The following PPM1H variants were observed in gnomAD, a reference collection of about 807,000 sequenced individuals.
The protein encoded by PPM1H is protein phosphatase, Mg2+/Mn2+ dependent 1H.
In PPM1H, 27 loss-of-function variants were observed where a neutral mutation model predicts 54.9. The ratio of observed to expected loss-of-function variants is 0.49; its 90% CI spans 0.36 to 0.68. The LOEUF (loss-of-function observed/expected upper bound fraction) is 0.68. PPM1H is among the 30% of genes least tolerant of loss of function. PPM1H has a pLI of 0.00. For missense variants in PPM1H, 596 were observed against 667.8 expected (o/e 0.89, Z 1.19); for synonymous variants, 305 against 270.8 (o/e 1.13, Z -1.24).
At chr12:62,885,371 G>A (rs1870551938) in intron 1 of PPM1H, among the ~76,000 whole-genome samples, 1 of 152,148 alleles carries the variant, frequency 6.6e-6, no homozygotes. Flanking sequence ...CTGTTGCTAG[G>A]ACAGCAAAAG....
chr12:62,827,451 G>T (rs969206749), intron 2 of PPM1H, among the ~76,000 whole-genome samples: 1 of 152,098 alleles, frequency 6.6e-6, no homozygotes, highest in Non-Finnish European at 1.5e-5. Context: ...CAGCCTCTAG[G>T]TTTGGACTCC....
intron 2 of PPM1H, among the ~76,000 whole-genome samples, chr12:62,806,583 GT>G (rs974293662): frequency 6.6e-6 from 1 of 152,116 alleles, no homozygotes; most frequent in African/African-American, 2.4e-5. Context: ...ATTTCCCCTT[GT>G]TCTTGTGACA....
chr12:62,684,215 C>T (rs1229732106), intron 8 of PPM1H, among the ~76,000 whole-genome samples: 2 of 152,220 alleles, frequency 1.3e-5, no homozygotes, highest in African/African-American at 4.8e-5. Flanking sequence ...CAAAACATCC[C>T]CTACACTCAA....
At chr12:62,890,409 G>C (rs1435057884) in intron 1 of PPM1H, among the ~76,000 whole-genome samples, 3 of 152,152 alleles carry the variant, frequency 2.0e-5, no homozygotes, top group Non-Finnish European at 4.4e-5. Flanking sequence ...AGTGAACAAT[G>C]ATCGTGCCAA....
chr12:62,695,068 C>G (rs968703112), intron 6 of PPM1H, among the ~76,000 whole-genome samples: 4 of 152,142 alleles, frequency 2.6e-5, no homozygotes, highest in Non-Finnish European at 5.9e-5. Flanking sequence ...TATTAAATGG[C>G]CTGCCATTCC....
At chr12:62,897,159 T>C (rs1871018741) in intron 1 of PPM1H, among the ~76,000 whole-genome samples, 1 of 150,794 alleles carries the variant, frequency 6.6e-6, no homozygotes, top group African/African-American at 2.4e-5. Flanking sequence ...AAATGACGAG[T>C]TAATGGGTGC....
chr12:62,672,423 T>C (rs1235834133), intron 8 of PPM1H, among the ~76,000 whole-genome samples: 2 of 152,214 alleles, frequency 1.3e-5, no homozygotes, highest in Non-Finnish European at 2.9e-5. Context: ...GGCCCACTTT[T>C]CTGTCTCTTC....
chr12:62,832,061 A>C, intron 2 of PPM1H, 53 bp downstream of exon 2: 23 of 1,582,608 alleles, frequency 1.5e-5, no homozygotes, highest in Non-Finnish European at 2.0e-5. Flanking sequence ...CAGTGGGACC[A>C]AAGTGTGTGC....
At chr12:62,776,092 G>C (rs1361617455) in intron 4 of PPM1H, among the ~76,000 whole-genome samples, 1 of 151,990 alleles carries the variant, frequency 6.6e-6, no homozygotes, top group African/African-American at 2.4e-5. Flanking sequence ...GAACAGCATG[G>C]GAAAAATACT....
At chr12:62,755,772 C>A in intron 4 of PPM1H, 1 of 934,430 alleles carries the variant, frequency 1.1e-6, no homozygotes, top group Non-Finnish European at 1.7e-6. Flanking sequence ...CATGCCATCA[C>A]TGCCACCCAG....
In PPM1H at chr12:62,768,736, A is replaced by G. The variant is rs549646370; in HGVS notation, c.869+19490T>C. ...TTGAGTATGTTTGCAGGCAGGTAAG[A>G]AGCCAAGGGGAAGGGAGCAAATACA... On this transcript the variant is annotated intron_variant, in intron 4 of 9. Coordinates refer to ENST00000228705, the MANE Select transcript of PPM1H (RefSeq NM_020700.2). 2.0e-5 allele frequency among the ~76,000 whole-genome samples: 3 copies of G among 152,210 alleles called. No individual in the cohort carries two copies. The South Asian group carries it at 6.2e-4, about 32-fold the overall frequency.
intron 1 of PPM1H, among the ~76,000 whole-genome samples, chr12:62,892,817 AAAGT>A (rs1320657273): frequency 5.9e-5 from 9 of 152,090 alleles, no homozygotes; most frequent in African/African-American, 2.2e-4. Flanking sequence ...GTACATTTCA[AAAGT>A]AAGGCATAAG....
At chr12:62,900,577 G>T (rs1419814239) in intron 1 of PPM1H, among the ~76,000 whole-genome samples, 1 of 149,256 alleles carries the variant, frequency 6.7e-6, no homozygotes, top group African/African-American at 2.5e-5. Flanking sequence ...AAGAAGAAAT[G>T]GGAATTTGCT....
chr12:62,868,013 A>G (rs1245661002), intron 1 of PPM1H, among the ~76,000 whole-genome samples: 1 of 152,094 alleles, frequency 6.6e-6, no homozygotes, highest in East Asian at 1.9e-4. Flanking sequence ...GTGTCTCACC[A>G]TGTCTAACAA....
intron 3 of PPM1H, among the ~76,000 whole-genome samples, chr12:62,799,930 TC>T (rs1394351338): frequency 2.6e-5 from 4 of 152,108 alleles, no homozygotes; most frequent in Non-Finnish European, 2.9e-5. Flanking sequence ...AGCTCAGAAC[TC>T]CTGGGCTCAA....
At chr12:62,765,688 C>A (rs2076538373) in intron 4 of PPM1H, among the ~76,000 whole-genome samples, 3 of 152,122 alleles carry the variant, frequency 2.0e-5, no homozygotes, top group African/African-American at 7.2e-5. Flanking sequence ...AGAGGGGAGA[C>A]CCTTGGGCCC....
chr12:62,869,323 C>T (rs1307596888), intron 1 of PPM1H, among the ~76,000 whole-genome samples: 2 of 152,144 alleles, frequency 1.3e-5, no homozygotes, highest in Non-Finnish European at 2.9e-5. Flanking sequence ...TTTGACACTT[C>T]ATTCATTTTA....
intron 2 of PPM1H, among the ~76,000 whole-genome samples, chr12:62,804,670 T>C (rs1053079012): frequency 7.0e-6 from 1 of 142,010 alleles, no homozygotes; most frequent in Non-Finnish European, 1.5e-5. Flanking sequence ...TAATTTCTTT[T>C]TTTTTCTTTT....
intron 6 of PPM1H, among the ~76,000 whole-genome samples, chr12:62,703,430 G>T (rs2076155458): frequency 6.6e-6 from 1 of 151,028 alleles, no homozygotes; most frequent in African/African-American, 2.4e-5. Flanking sequence ...CCAGGAGGGA[G>T]GAGAAAGCCA....
Sources: allele counts gnomAD v4.1 joint callset (sites outside exome capture counted in the v4.1 genomes callset), GRCh38; gene constraint gnomAD v4.1.1; transcripts MANE v1.5; gene names NCBI Gene and HGNC (gene_info 2026-07-23, HGNC 2026-07-21).